The following NSL1 variants were observed in gnomAD, a reference collection of about 807,000 sequenced individuals.
The protein encoded by NSL1 is NSL1 component of MIS12 kinetochore complex, also known as kinetochore-associated protein NSL1 homolog.
In NSL1, 11 loss-of-function variants were observed where a neutral mutation model predicts 25.4. The ratio of observed to expected loss-of-function variants is 0.43; its 90% CI spans 0.27 to 0.72. The LOEUF (loss-of-function observed/expected upper bound fraction) is 0.72. Ranked by LOEUF, NSL1 falls within the 30% of genes least tolerant of loss-of-function variation. The pLI is 0.19. For synonymous variants in NSL1, 118 were observed against 120.6 expected, an observed-to-expected ratio of 0.98 and a Z score of 0.14; for missense variants, 330 against 342.7, an observed-to-expected ratio of 0.96 and a Z score of 0.29.
intron 4 of NSL1, among the ~76,000 whole-genome samples, chr1:212,745,513 G>A (rs191816084): frequency 1.4e-4 from 21 of 152,230 alleles, no homozygotes; most frequent in Non-Finnish European, 2.5e-4. Context: ...CAGATTAACA[G>A]CCAATGTCTC....
chr1:212,766,392 T>C, intron 4 of NSL1: 8 of 426,224 alleles, frequency 1.9e-5, no homozygotes, highest in East Asian at 3.5e-5. Context: ...GAACCCAAAC[T>C]GTCACTGTTT....
Position 212,729,570 on chromosome 1 carries a change from C to A in NSL1, c.*8838G>T. On this transcript the variant is annotated 3_prime_UTR_variant, in exon 6 of 6. Coordinates refer to ENST00000366977, the MANE Select transcript of NSL1 (RefSeq NM_015471.4). ...ATTTTTATTATTCTGCCAGTGTCAT[C>A]CCCTCATTTCTACACTTCCTCAGGA... The A allele has an allele frequency of 1.0e-6, 1 of 985,318 alleles. No individual in the cohort carries two copies. The highest frequency in any genetic ancestry group is 1.2e-6 in the Non-Finnish European group (1 of 829,926). The allele number at this position is 985,318 out of a possible 1,614,324, so 61.0% of individuals were successfully genotyped here.
intron 4 of NSL1, among the ~76,000 whole-genome samples, chr1:212,766,030 G>C (rs1355490408): frequency 6.6e-6 from 1 of 151,412 alleles, no homozygotes; most frequent in Non-Finnish European, 1.5e-5. Flanking sequence ...CAGCTCTTCC[G>C]GAGGCTGAGG....
rs890418057 is a variant in NSL1, at chr1:212,737,453, G to A, written c.*955C>T. On this transcript the variant is annotated 3_prime_UTR_variant, in exon 6 of 6. Coordinates refer to ENST00000366977, the MANE Select transcript of NSL1 (RefSeq NM_015471.4). ...AACAGTTGGTAAGTTTGATGGCCCTGCCTACACTGTATAATGTAAGACACA... is the reference window on the plus strand; with the variant it reads ...AACAGTTGGTAAGTTTGATGGCCCTACCTACACTGTATAATGTAAGACACA... 1.0e-6 allele frequency: 1 copy of A among 984,924 alleles called. No individual in the cohort carries two copies. The highest frequency in any genetic ancestry group is 1.1e-4 in the East Asian group (1 of 8,834). 61.0% of individuals were successfully genotyped at this position (984,924 alleles called of 1,614,324 possible).
At chr1:212,788,479 T>G (rs1002366777) in intron 1 of NSL1, among the ~76,000 whole-genome samples, 1 of 152,194 alleles carries the variant, frequency 6.6e-6, no homozygotes, top group Non-Finnish European at 1.5e-5. Flanking sequence ...AACTAATTTT[T>G]TGTAAGGTTG....
In NSL1 at chr1:212,784,500, G is replaced by T; in HGVS notation, c.314-7C>A. On this transcript the variant is annotated splice_polypyrimidine_tract_variant and splice_region_variant and intron_variant, in intron 2 of 5. Coordinates refer to ENST00000366977, the MANE Select transcript of NSL1 (RefSeq NM_015471.4). ...AGTACTTTGATGTCAGAATCTATTT[G>T]AGAAAAAAAAATGTATATATAAAAA... 1 of 1,488,040 alleles carries T rather than the reference G, an allele frequency of 6.7e-7. No homozygotes were observed. The allele number at this position is 1,488,040 out of a possible 1,614,324, so 92.2% of individuals were successfully genotyped here.
At position 212,728,175 on chromosome 1, in the gene NSL1, T is replaced by C. The variant is rs1657864739; in HGVS notation, c.*10233A>G. On this transcript the variant is annotated 3_prime_UTR_variant, in exon 6 of 6. Transcript: ENST00000366977. ...AAAGAGATGGTGCATGTGAAGCTTT[T>C]AGCATGATCATGGCATGTAGTAAGC... 11 of 933,712 alleles carry C rather than the reference T, an allele frequency of 1.2e-5. No homozygotes were observed. The highest frequency in any genetic ancestry group is 1.4e-5 in the Non-Finnish European group (11 of 782,930). 57.8% of individuals were successfully genotyped at this position (933,712 alleles called of 1,614,324 possible).
chr1:212,783,072 C>A (rs566357350), intron 3 of NSL1, among the ~76,000 whole-genome samples: 1 of 152,118 alleles, frequency 6.6e-6, no homozygotes, highest in South Asian at 2.1e-4. Context: ...TTTGGGAGGC[C>A]CAGGCAGGAG....
chr1:212,744,446 T>C (rs1658662529), intron 4 of NSL1, among the ~76,000 whole-genome samples: 1 of 152,172 alleles, frequency 6.6e-6, no homozygotes, highest in African/African-American at 2.4e-5. Context: ...ATATTTGAAA[T>C]GTCCAGTTTT....
rs1571855939 is a variant in NSL1 at position 212,732,398 on chromosome 1, T to C, written c.*6010A>G. ...CGTGATCTTGGCTCACTGCAACCTC[T>C]GCCTCCTGGGTTCAAGCGATTCTCC... On this transcript the variant is annotated 3_prime_UTR_variant, in exon 6 of 6. Coordinates refer to ENST00000366977, the MANE Select transcript of NSL1 (RefSeq NM_015471.4). 3 of 500,696 alleles carry C rather than the reference T, an allele frequency of 6.0e-6. No individual in the cohort carries two copies. The highest frequency in any genetic ancestry group is 8.8e-5 in the South Asian group (1 of 11,360). 31.0% of individuals were successfully genotyped at this position (500,696 alleles called of 1,614,324 possible). A position where few individuals can be genotyped will look rare whatever the true frequency, so the allele number is the denominator to read the frequency against.
In NSL1 at chr1:212,729,674, A is replaced by C. The variant is rs1251593816; in HGVS notation, c.*8734T>G. On this transcript the variant is annotated 3_prime_UTR_variant, in exon 6 of 6. Coordinates refer to ENST00000366977, the MANE Select transcript of NSL1 (RefSeq NM_015471.4). ...GAACACTTATTTTAACCTTTTCACC[A>C]AATTTTTGTCAGAGAAGGAAATGAA... 23 of 985,280 alleles carry C rather than the reference A, an allele frequency of 2.3e-5. No homozygotes were observed. The highest frequency in any genetic ancestry group is 2.8e-5 in the Non-Finnish European group (23 of 829,928). 61.0% of individuals were successfully genotyped at this position (985,280 alleles called of 1,614,324 possible).
intron 2 of NSL1, among the ~76,000 whole-genome samples, chr1:212,784,948 G>A (rs945232032): frequency 6.6e-6 from 1 of 152,210 alleles, no homozygotes; most frequent in African/African-American, 2.4e-5. Context: ...GGGAAAAAAG[G>A]AATAGGGAGA....
In NSL1 at chr1:212,736,890, G is replaced by C; in HGVS notation, c.*1518C>G. On this transcript the variant is annotated 3_prime_UTR_variant, in exon 6 of 6. Coordinates refer to ENST00000366977, the MANE Select transcript of NSL1 (RefSeq NM_015471.4). Reference sequence around the variant, plus strand: ...ACCTCTCTTAAAAGGGAGGGACCATGTTCTTATATAATCAAAATGCAAGTA... The same window carrying C: ...ACCTCTCTTAAAAGGGAGGGACCATCTTCTTATATAATCAAAATGCAAGTA... 2 of 984,892 alleles carry C rather than the reference G, an allele frequency of 2.0e-6. No homozygotes were observed. The highest frequency in any genetic ancestry group is 2.4e-6 in the Non-Finnish European group (2 of 829,478). The allele number at this position is 984,892 out of a possible 1,614,324, so 61.0% of individuals were successfully genotyped here.
In NSL1 at chr1:212,727,173, T is replaced by C; in HGVS notation, c.*11235A>G. 6.4e-7 allele frequency: 1 copy of C among 1,570,150 alleles called. No individual in the cohort carries two copies. The highest frequency in any genetic ancestry group is 8.6e-7 in the Non-Finnish European group (1 of 1,158,228). On this transcript the variant is annotated 3_prime_UTR_variant, in exon 6 of 6. Coordinates refer to ENST00000366977, the MANE Select transcript of NSL1 (RefSeq NM_015471.4). ...TGCCCCTAGAGCTAGTCCACCAGGC[T>C]TGGCTCCTAATGTGTTAAATGGGGG...
chr1:212,779,369 TCAGA>T (rs1660567781), intron 4 of NSL1, among the ~76,000 whole-genome samples: 1 of 111,560 alleles, frequency 9.0e-6, no homozygotes, highest in Non-Finnish European at 1.8e-5. Flanking sequence ...CCGCCCCATC[TCAGA>T]GGGAGGTGGG....
intron 4 of NSL1, among the ~76,000 whole-genome samples, chr1:212,779,943 G>C (rs1324764435): frequency 1.3e-5 from 2 of 151,486 alleles, no homozygotes; most frequent in Middle Eastern, 3.4e-3. Context: ...CCTCTGCCCG[G>C]CCGCCCCTAC....
At chr1:212,762,622 A>T (rs578190427) in intron 4 of NSL1, among the ~76,000 whole-genome samples, 210 of 152,260 alleles carry the variant, frequency 1.4e-3, no homozygotes, top group Non-Finnish European at 2.4e-3. Flanking sequence ...ACAGGTGAAA[A>T]ACTAAGTTCC....
intron 4 of NSL1, among the ~76,000 whole-genome samples, chr1:212,767,274 C>T (rs1170874452): frequency 6.6e-6 from 1 of 152,136 alleles, no homozygotes; most frequent in Admixed American, 6.5e-5. Context: ...ACAGAGAACT[C>T]AGAAATAAAG....
intron 4 of NSL1, among the ~76,000 whole-genome samples, chr1:212,772,251 C>G (rs1295066965): frequency 1.3e-5 from 2 of 152,146 alleles, no homozygotes; most frequent in Non-Finnish European, 2.9e-5. Context: ...AAAGACATCC[C>G]TTGTGCACAA....
Sources: allele counts gnomAD v4.1 joint callset (sites outside exome capture counted in the v4.1 genomes callset), GRCh38; gene constraint gnomAD v4.1.1; transcripts MANE v1.5; gene names NCBI Gene and HGNC (gene_info 2026-07-23, HGNC 2026-07-21).